GPC3: variants seen among roughly 807,000 people sequenced by gnomAD.
GPC3 encodes glypican-3.
A neutral mutation model predicts 34.4 loss-of-function variants in GPC3; 3 were observed. That is an observed-to-expected ratio of 0.09 (90% CI 0.04 to 0.23). The LOEUF (loss-of-function observed/expected upper bound fraction) is 0.23. Ranked by LOEUF, GPC3 falls within the 10% of genes least tolerant of loss-of-function variation. GPC3 has a pLI of 1.00. For synonymous variants in GPC3, 177 were observed against 174.0 expected, an observed-to-expected ratio of 1.02 and a Z score of -0.13; for missense variants, 351 against 445.6, an observed-to-expected ratio of 0.79 and a Z score of 1.91.
chrX:133,664,294 AATGTTGCAACTTGAAC>A (rs2124404140), intron 5 of GPC3, among the ~76,000 whole-genome samples: 1 of 112,348 alleles, frequency 8.9e-6, no homozygotes, highest in South Asian at 3.7e-4. Context: ...AAGCAGCTTC[AATGTTGCAACTTGAAC>A]ATCTTTAAAG....
rs553805635 is a variant in GPC3, at chrX:133,599,345, C to A, written c.1414-2746G>T. Among the ~76,000 whole-genome samples the A allele has an allele frequency of 4.5e-4, 50 of 112,173 alleles. No homozygotes were observed. The South Asian group carries it at 0.018, about 41-fold the overall frequency. On this transcript the variant is annotated intron_variant, in intron 6 of 7. Coordinates refer to ENST00000370818, the MANE Select transcript of GPC3 (RefSeq NM_004484.4). ...TTAAGTAAAACTGCCCTTTATTTTT[C>A]TGCAAGTACACACCAGTGATGAATA...
At chrX:133,762,469 G>C (rs887026646) in intron 2 of GPC3, among the ~76,000 whole-genome samples, 1 of 111,532 alleles carries the variant, frequency 9.0e-6, no homozygotes, top group African/African-American at 3.3e-5. Context: ...ACTATGCATC[G>C]ACAAAGGTCT....
At chrX:133,723,581 T>C (rs1399351962) in intron 3 of GPC3, among the ~76,000 whole-genome samples, 1 of 111,587 alleles carries the variant, frequency 9.0e-6, no homozygotes, top group Non-Finnish European at 1.9e-5. Flanking sequence ...CTTTCATATA[T>C]GTCTTGGTGC....
rs139303014 is a variant in GPC3 at position 133,644,891 on chromosome X, G to A, written c.1413+16839C>T. 4.8e-3 allele frequency among the ~76,000 whole-genome samples: 526 copies of A among 110,242 alleles called. 1 individual carries two copies. Among genetic ancestry groups the A allele is most frequent in the African/African-American group, 0.016 (497 of 30,328 alleles). On this transcript the variant is annotated intron_variant, in intron 6 of 7. Coordinates refer to ENST00000370818, the MANE Select transcript of GPC3 (RefSeq NM_004484.4). ...CGCCTCCCAGGTTCAAGTGATTCTCGTGCCTCAGCCTCCCAGGTAGCTGGG... is the reference window on the plus strand; with the variant it reads ...CGCCTCCCAGGTTCAAGTGATTCTCATGCCTCAGCCTCCCAGGTAGCTGGG...
chrX:133,799,661 C>T (rs1179182921), intron 2 of GPC3, among the ~76,000 whole-genome samples: 8 of 111,424 alleles, frequency 7.2e-5, no homozygotes, highest in Non-Finnish European at 1.3e-4. Flanking sequence ...TTTATTGACC[C>T]TTAAAGCTAC....
chrX:133,891,275 TA>T (rs928935061), intron 2 of GPC3, among the ~76,000 whole-genome samples: 5 of 110,852 alleles, frequency 4.5e-5, no homozygotes, highest in African/African-American at 1.6e-4. Context: ...TGCTCAGGGC[TA>T]GGGGTGAAGG....
At chrX:133,718,276 C>G (rs1206556771) in intron 3 of GPC3, among the ~76,000 whole-genome samples, 1 of 111,438 alleles carries the variant, frequency 9.0e-6, no homozygotes, top group African/African-American at 3.3e-5. Context: ...ATTTGTATGA[C>G]AGTAACAGCA....
chrX:133,809,995 AT>A (rs761073338), intron 2 of GPC3, among the ~76,000 whole-genome samples: 1 of 112,386 alleles, frequency 8.9e-6, no homozygotes, highest in African/African-American at 3.2e-5. Flanking sequence ...ACACAGGATA[AT>A]AAAAATATGA....
intron 2 of GPC3, among the ~76,000 whole-genome samples, chrX:133,936,190 G>A (rs935273677): frequency 9.5e-6 from 1 of 105,644 alleles, no homozygotes; most frequent in Non-Finnish European, 1.9e-5. Flanking sequence ...CTCAGAAAAT[G>A]CTGGGATTAA....
intron 2 of GPC3, among the ~76,000 whole-genome samples, chrX:133,760,201 T>C (rs2071773587): frequency 8.9e-6 from 1 of 111,912 alleles, no homozygotes; most frequent in Admixed American, 9.5e-5. Flanking sequence ...TTAATACAAA[T>C]GGTACAGCCA....
intron 3 of GPC3, among the ~76,000 whole-genome samples, chrX:133,721,231 CT>C (rs2071363088): frequency 9.1e-6 from 1 of 109,414 alleles, no homozygotes; most frequent in Admixed American, 9.8e-5. Flanking sequence ...AAAGCTGGTT[CT>C]TTGAAAAGAT....
chrX:133,883,979 A>G lies in GPC3; in HGVS notation c.337+69071T>C, dbSNP rs763193307. Among the ~76,000 whole-genome samples, 3 of 111,855 alleles carry G rather than the reference A, an allele frequency of 2.7e-5. No homozygotes were observed. The East Asian group carries it at 8.4e-4, about 31-fold the overall frequency. ...TTAATTATTTAGTTCCTGAAATTAT[A>G]TTATATAATCCTTATGCAATTATTA... On this transcript the variant is annotated intron_variant, in intron 2 of 7. Coordinates refer to ENST00000370818, the MANE Select transcript of GPC3 (RefSeq NM_004484.4).
intron 1 of GPC3, among the ~76,000 whole-genome samples, chrX:133,966,509 C>T: frequency 8.9e-6 from 1 of 112,203 alleles, no homozygotes; most frequent in Middle Eastern, 4.6e-3. Flanking sequence ...AGTTTCAAGC[C>T]ATTGCGCCTT....
At chrX:133,907,825 T>G (rs2076176412) in intron 2 of GPC3, among the ~76,000 whole-genome samples, 1 of 111,394 alleles carries the variant, frequency 9.0e-6, no homozygotes, top group Admixed American at 9.6e-5. Flanking sequence ...CAATGAATAT[T>G]TTTAGGCCCT....
intron 3 of GPC3, among the ~76,000 whole-genome samples, chrX:133,715,733 T>G (rs1288116946): frequency 9.0e-6 from 1 of 110,668 alleles, no homozygotes; most frequent in Non-Finnish European, 1.9e-5. Context: ...AACCAAAAAA[T>G]TTTCAGGAAA....
chrX:133,942,314 G>A (rs1202602746), intron 2 of GPC3, among the ~76,000 whole-genome samples: 1 of 112,057 alleles, frequency 8.9e-6, no homozygotes, highest in Non-Finnish European at 1.9e-5. Context: ...CATTAAGGAT[G>A]TGCATAAATA....
At chrX:133,639,961 C>T (rs183153525) in intron 6 of GPC3, among the ~76,000 whole-genome samples, 3 of 111,406 alleles carry the variant, frequency 2.7e-5, no homozygotes, top group Non-Finnish European at 5.6e-5. Flanking sequence ...CGGCCCCCAA[C>T]TCCTGCCAGT....
intron 2 of GPC3, among the ~76,000 whole-genome samples, chrX:133,817,193 G>A (rs774406980): frequency 1.8e-5 from 2 of 111,073 alleles, no homozygotes; most frequent in African/African-American, 3.3e-5. Flanking sequence ...TTGCCTCTAG[G>A]ATTTATCCCT....
At chrX:133,638,232 G>A (rs1454458349) in intron 6 of GPC3, among the ~76,000 whole-genome samples, 2 of 111,566 alleles carry the variant, frequency 1.8e-5, no homozygotes, top group African/African-American at 6.5e-5. Flanking sequence ...ATGTGAACAC[G>A]TCCTTTATTC....
Sources: gnomAD v4.1 joint callset for allele counts (sites outside exome capture counted in the v4.1 genomes callset) on GRCh38, gnomAD v4.1.1 for gene constraint, MANE v1.5 for transcripts, NCBI Gene and HGNC (gene_info 2026-07-23, HGNC 2026-07-21) for gene names.